The following LPIN2 variants were observed in gnomAD, a reference collection of about 807,000 sequenced individuals.
LPIN2 encodes lipin 2, also known as phosphatidate phosphatase LPIN2.
LPIN2 carries 55 observed loss-of-function variants against 111.4 expected under a neutral mutation model. The ratio of observed to expected loss-of-function variants is 0.49; its 90% CI spans 0.40 to 0.62. The LOEUF (loss-of-function observed/expected upper bound fraction) is 0.62, where lower values mean the gene tolerates loss of function less well. Ranked by LOEUF, LPIN2 falls within the 20% of genes least tolerant of loss-of-function variation. LPIN2 has a pLI of 0.00. For synonymous variants in LPIN2, 425 were observed against 414.0 expected (o/e 1.03, Z -0.32); for missense variants, 992 against 1,112.1 (o/e 0.89, Z 1.54).
chr18:2,966,805 C>T (rs1031377100), intron 1 of LPIN2, among the ~76,000 whole-genome samples: 2 of 152,202 alleles, frequency 1.3e-5, no homozygotes, highest in African/African-American at 4.8e-5. Context: ...AAAGCAGACT[C>T]CTGGGAGCGC....
chr18:3,011,452 A>AGG lies in LPIN2; in HGVS notation c.-10+1633_-10+1634dup, dbSNP rs77328419. Among the ~76,000 whole-genome samples, 13 of 152,034 alleles carry AGG rather than the reference A, an allele frequency of 8.6e-5. 1 individual carries two copies. The South Asian group carries it at 1.9e-3, about 22-fold the overall frequency. ...GTAATCCCAGCTCTTTGGGAGGCCG[A>AGG]GGGGGGCGGATCACCTGAGGTCGGC... On this transcript the variant is annotated intron_variant, in intron 1 of 19. Transcript: ENST00000677752.
chr18:2,944,074 T>C (rs962742537), intron 4 of LPIN2, among the ~76,000 whole-genome samples: 5 of 152,092 alleles, frequency 3.3e-5, no homozygotes, highest in Admixed American at 1.3e-4. Context: ...TCCAGAGTTC[T>C]GGCCTTCAGA....
chr18:2,955,040 T>G (rs912768365), intron 2 of LPIN2, among the ~76,000 whole-genome samples: 15 of 152,106 alleles, frequency 9.9e-5, no homozygotes, highest in African/African-American at 3.4e-4. Flanking sequence ...TGCCCACAGA[T>G]CACTACGTAA....
At chr18:2,988,797 A>G (rs1268743283) in intron 1 of LPIN2, among the ~76,000 whole-genome samples, 3 of 152,254 alleles carry the variant, frequency 2.0e-5, no homozygotes, top group Admixed American at 6.5e-5. Context: ...TTCTAAGGAT[A>G]AAGCACCATT....
chr18:2,921,806 T>C (rs750021154), intron 17 of LPIN2, 159 bp from the exon 18 acceptor site: 7 of 767,382 alleles, frequency 9.1e-6, no homozygotes, highest in Non-Finnish European at 1.5e-5. Context: ...ACTAAGAAAA[T>C]TTGAGTGATG....
chr18:2,919,593 GTTC>G lies in LPIN2; in HGVS notation c.*697_*699del, dbSNP rs1713131038. On this transcript the variant is annotated 3_prime_UTR_variant, in exon 20 of 20. Coordinates refer to ENST00000677752, the MANE Select transcript of LPIN2 (RefSeq NM_001375808.2). ...CATCAAATATATACTTGTGAGACCT[GTTC>G]TTCTGGTGAGGACTAAGAAATTAAG... 1.3e-5 allele frequency: 2 copies of G among 154,046 alleles called. No homozygotes were observed. The highest frequency in any genetic ancestry group is 2.4e-5 in the African/African-American group (1 of 41,574). The allele number at this position is 154,046 out of a possible 1,614,324, so 9.5% of individuals were successfully genotyped here. A position where few individuals can be genotyped will look rare whatever the true frequency, so the allele number is the denominator to read the frequency against.
chr18:2,935,842 A>G (rs1357767590), intron 7 of LPIN2, among the ~76,000 whole-genome samples: 2 of 152,188 alleles, frequency 1.3e-5, no homozygotes, highest in African/African-American at 4.8e-5. Flanking sequence ...GCAAAAATGT[A>G]TAATAAAAAG....
chr18:2,986,547 T>TGGAAAA lies in LPIN2; in HGVS notation c.-9-25699_-9-25698insTTTTCC, dbSNP rs10692682. Reference sequence around the variant, plus strand: ...TTGTGATAAGTCTATTTTTTTAATGTAAAAAAAAAAAAAAAAGAAAGACTA... The same window carrying TGGAAAA: ...TTGTGATAAGTCTATTTTTTTAATGTGGAAAAAAAAAAAAAAAAAAAAGAAAGACTA... On this transcript the variant is annotated intron_variant, in intron 1 of 19. Coordinates refer to ENST00000677752, the MANE Select transcript of LPIN2 (RefSeq NM_001375808.2). Among the ~76,000 whole-genome samples, 82 of 135,062 alleles carry TGGAAAA rather than the reference T, an allele frequency of 6.1e-4. 2 individuals are homozygous for TGGAAAA. In the East Asian group the frequency reaches 6.7e-3, roughly 11 times the overall value. 88.6% of individuals were successfully genotyped at this position (135,062 alleles called of 152,430 possible). A position where few individuals can be genotyped will look rare whatever the true frequency, so the allele number is the denominator to read the frequency against.
At chr18:2,945,967 C>T (rs551964600) in intron 4 of LPIN2, 2 of 1,405,388 alleles carry the variant, frequency 1.4e-6, no homozygotes, top group Non-Finnish European at 2.0e-6. Flanking sequence ...ACAACAGCTC[C>T]AGTATTTCGT....
At chr18:2,926,378 A>ACC in intron 13 of LPIN2, among the ~76,000 whole-genome samples, 1 of 152,148 alleles carries the variant, frequency 6.6e-6, no homozygotes, top group African/African-American at 2.4e-5. Context: ...AAGGAAACCC[A>ACC]CCCAAGCCAA....
intron 2 of LPIN2, among the ~76,000 whole-genome samples, chr18:2,955,752 C>A (rs1409628400): frequency 6.6e-6 from 1 of 152,094 alleles, no homozygotes; most frequent in Admixed American, 6.5e-5. Flanking sequence ...CCCGCCTCTA[C>A]CAAAAATACA....
intron 1 of LPIN2, among the ~76,000 whole-genome samples, chr18:2,996,555 G>A (rs1017912728): frequency 5.5e-5 from 7 of 128,004 alleles, no homozygotes; most frequent in South Asian, 2.6e-4. Flanking sequence ...TCAGCTCACT[G>A]CAAGCTCCGG....
chr18:3,006,607 G>C (rs1274219716), intron 1 of LPIN2, among the ~76,000 whole-genome samples: 1 of 152,212 alleles, frequency 6.6e-6, no homozygotes, highest in Non-Finnish European at 1.5e-5. Flanking sequence ...GGAGGCCGAG[G>C]CAGGGAGGTC....
At chr18:2,921,177 G>T in intron 18 of LPIN2, 1 of 553,120 alleles carries the variant, frequency 1.8e-6, no homozygotes, top group South Asian at 2.0e-5. Flanking sequence ...GCAGAAGGGA[G>T]GCAGGTTGGG....
intron 1 of LPIN2, among the ~76,000 whole-genome samples, chr18:2,992,865 A>G (rs1052982821): frequency 1.3e-5 from 2 of 151,622 alleles, no homozygotes; most frequent in Non-Finnish European, 2.9e-5. Context: ...GGGCGCCTGT[A>G]GTCCCAGCTA....
chr18:3,007,306 G>A (rs2078530714), intron 1 of LPIN2, among the ~76,000 whole-genome samples: 1 of 152,078 alleles, frequency 6.6e-6, no homozygotes, highest in African/African-American at 2.4e-5. Flanking sequence ...AGAGTAGCTG[G>A]GACTACAGGT....
At position 2,939,584 on chromosome 18, in the gene LPIN2, A is replaced by T; in HGVS notation, c.718T>A (p.Cys240Ser). 1 of 1,613,780 alleles carries T rather than the reference A, an allele frequency of 6.2e-7. No homozygotes were observed. The highest frequency in any genetic ancestry group is 8.5e-7 in the Non-Finnish European group (1 of 1,179,868). The change falls in exon 6 of 20, where the codon TGT becomes AGT. Residue 240 changes from cysteine to serine, a missense_variant. Cys to Ser is a moderately radical substitution (Grantham distance 112). This residue lies in a region of LPIN2 where 709 missense variants were observed against 753.2 expected (regional missense o/e 0.94). Transcript: ENST00000677752. The part of the protein sequence containing the change: ...PLETTYPQTA[C>S]PKSDSELEVK... ...TCCAGCTCTGAATCACTCTTAGGAC[A>T]CGCTGTCTGGGGATAGGTGCTGCAA... is the stretch of plus-strand genomic sequence containing the variant.
intron 9 of LPIN2, among the ~76,000 whole-genome samples, chr18:2,930,625 TA>T (rs1299852124): frequency 1.3e-5 from 2 of 152,112 alleles, no homozygotes; most frequent in Admixed American, 1.3e-4. Context: ...TGAGAAATAC[TA>T]AGAGTTCAGT....
At position 2,960,783 on chromosome 18, in the gene LPIN2, T is replaced by TGTA. The variant is rs1328260054; in HGVS notation, c.55_57dup (p.Tyr19dup). 2.5e-6 allele frequency: 4 copies of TGTA among 1,614,138 alleles called. No homozygotes were observed. Among genetic ancestry groups the TGTA allele is most frequent in the Non-Finnish European group, 3.4e-6 (4 of 1,180,038 alleles). On this transcript the variant is annotated inframe_insertion, in exon 2 of 20. Coordinates refer to ENST00000677752, the MANE Select transcript of LPIN2 (RefSeq NM_001375808.2). ...GAGAGGGTGGCCTGGTTAATGCCCT[T>TGTA]GTAGAGTTCCTTCACAGTGACAATC...
Sources: gnomAD v4.1 joint callset for allele counts (sites outside exome capture counted in the v4.1 genomes callset) on GRCh38, gnomAD v4.1.1 for gene constraint, gnomAD v4.1.1 regional missense constraint, MANE v1.5 for transcripts, NCBI Gene and HGNC (gene_info 2026-07-23, HGNC 2026-07-21) for gene names.